The following MACROD2 variants were observed in gnomAD, a reference collection of about 807,000 sequenced individuals.
The protein encoded by MACROD2 is ADP-ribose glycohydrolase MACROD2.
A neutral mutation model predicts 70.4 loss-of-function variants in MACROD2; 36 were observed. The observed-to-expected ratio is 0.51, with a 90% CI of 0.39 to 0.68. MACROD2 has a LOEUF of 0.68. MACROD2 is among the 30% of genes least tolerant of loss of function. MACROD2 has a pLI of 0.00. For missense variants in MACROD2, 496 were observed against 538.4 expected, an observed-to-expected ratio of 0.92 and a Z score of 0.78; for synonymous variants, 172 against 178.8, an observed-to-expected ratio of 0.96 and a Z score of 0.30.
chr20:15,361,641 T>C (rs929064516), intron 6 of MACROD2, among the ~76,000 whole-genome samples: 1 of 152,240 alleles, frequency 6.6e-6, no homozygotes, highest in African/African-American at 2.4e-5. Flanking sequence ...CTATGTCATT[T>C]AGAAGGAAAT....
Position 15,725,888 on chromosome 20 carries a change from G to A in MACROD2, c.646-136857G>A, listed in dbSNP as rs544450714. ...TATTTTAAGTTGCAGGAACATCTGC[G>A]GGTTTGTTATATAGGTAAATTGTGT... is the stretch of plus-strand genomic sequence containing the variant. On this transcript the variant is annotated intron_variant, in intron 8 of 17. Coordinates refer to ENST00000684519, the MANE Select transcript of MACROD2 (RefSeq NM_001351661.2). 6.6e-5 allele frequency among the ~76,000 whole-genome samples: 10 copies of A among 151,502 alleles called. No homozygotes were observed. The East Asian group carries it at 7.8e-4, about 12-fold the overall frequency.
rs747969186 is a variant in MACROD2, at chr20:14,474,068, AAC to A, written c.272-19410_272-19409del. 3.2e-3 allele frequency among the ~76,000 whole-genome samples: 491 copies of A among 152,060 alleles called. 4 individuals are homozygous for A. The highest frequency in any genetic ancestry group is 0.017 in the Middle Eastern group (5 of 294). ...GAGTTCCTTATATTTTCTGGATATT[AAC>A]CCCTTGTTAGATGCATAGCTGGCAA... On this transcript the variant is annotated intron_variant, in intron 3 of 17. Coordinates refer to ENST00000684519, the MANE Select transcript of MACROD2 (RefSeq NM_001351661.2).
chr20:14,558,368 G>C (rs533878666), intron 4 of MACROD2, among the ~76,000 whole-genome samples: 5 of 151,370 alleles, frequency 3.3e-5, no homozygotes, highest in Non-Finnish European at 4.4e-5. Flanking sequence ...AAATGTAAAT[G>C]GTCTAAATAA....
intron 3 of MACROD2, among the ~76,000 whole-genome samples, chr20:14,149,565 C>T (rs546164694): frequency 6.6e-6 from 1 of 152,288 alleles, no homozygotes; most frequent in African/African-American, 2.4e-5. Context: ...CTCCAAACTG[C>T]TTTCCCCAGT....
intron 3 of MACROD2, among the ~76,000 whole-genome samples, chr20:14,382,060 A>ATTTTTT (rs11475740): frequency 8.2e-6 from 1 of 122,494 alleles, no homozygotes; most frequent in Admixed American, 8.4e-5. Context: ...AATGGGATTG[A>ATTTTTT]TTTTTTTTTT....
intron 3 of MACROD2, among the ~76,000 whole-genome samples, chr20:14,086,705 C>T (rs947371630): frequency 6.6e-5 from 10 of 152,130 alleles, no homozygotes; most frequent in Non-Finnish European, 1.0e-4. Context: ...CGTTTGTGGG[C>T]ATTGACCAAC....
chr20:14,523,089 C>A (rs1160908716), intron 4 of MACROD2, among the ~76,000 whole-genome samples: 1 of 152,150 alleles, frequency 6.6e-6, no homozygotes, highest in Non-Finnish European at 1.5e-5. Context: ...AGGTCCTCTT[C>A]CATTTTCCGA....
At chr20:15,347,071 T>C (rs1364802631) in intron 6 of MACROD2, among the ~76,000 whole-genome samples, 3 of 152,214 alleles carry the variant, frequency 2.0e-5, no homozygotes, top group South Asian at 2.1e-4. Context: ...ACCAGTTCTA[T>C]GCCAGGTGAC....
intron 4 of MACROD2, among the ~76,000 whole-genome samples, chr20:14,564,757 A>G (rs1190210111): frequency 6.6e-6 from 1 of 151,992 alleles, no homozygotes; most frequent in African/African-American, 2.4e-5. Flanking sequence ...AAATTGTGCA[A>G]CCTCTTTAGA....
At chr20:14,615,888 G>A (rs187606468) in intron 4 of MACROD2, among the ~76,000 whole-genome samples, 16 of 152,220 alleles carry the variant, frequency 1.1e-4, no homozygotes, top group African/African-American at 3.4e-4. Context: ...GTAGATGTAC[G>A]TGGGACAGGT....
intron 6 of MACROD2, among the ~76,000 whole-genome samples, chr20:15,305,674 C>T (rs202037414): frequency 3.7e-5 from 5 of 135,862 alleles, no homozygotes; most frequent in Admixed American, 1.4e-4. Flanking sequence ...TGTGTGTGTG[C>T]GCGCACACAT....
chr20:14,270,937 G>A (rs1261177990), intron 3 of MACROD2, among the ~76,000 whole-genome samples: 3 of 152,218 alleles, frequency 2.0e-5, no homozygotes, highest in Admixed American at 6.5e-5. Flanking sequence ...CGAGGCTGGG[G>A]GAGGAGCGCC....
chr20:15,885,878 AT>A, intron 10 of MACROD2, 67 bp downstream of exon 10: 1 of 1,400,792 alleles, frequency 7.1e-7, no homozygotes. Context: ...TGTACACTTC[AT>A]ATTTTTTCAA....
At chr20:15,735,050 T>C (rs1600821285) in intron 8 of MACROD2, among the ~76,000 whole-genome samples, 1 of 152,088 alleles carries the variant, frequency 6.6e-6, no homozygotes, top group Non-Finnish European at 1.5e-5. Flanking sequence ...AACCTCCACC[T>C]CCCAGGTTCA....
chr20:14,578,653 C>G (rs1206680853), intron 4 of MACROD2, among the ~76,000 whole-genome samples: 2 of 152,028 alleles, frequency 1.3e-5, no homozygotes, highest in Non-Finnish European at 2.9e-5. Context: ...GTTTTGTCAG[C>G]CAAAACTCTA....
chr20:15,442,177 G>A (rs899768774), intron 7 of MACROD2, among the ~76,000 whole-genome samples: 1 of 152,122 alleles, frequency 6.6e-6, no homozygotes, highest in South Asian at 2.1e-4. Flanking sequence ...AATTTGACAG[G>A]TCTTAGAGAA....
chr20:15,225,784 A>G (rs533909902), intron 5 of MACROD2, among the ~76,000 whole-genome samples: 3 of 152,290 alleles, frequency 2.0e-5, no homozygotes, highest in African/African-American at 4.8e-5. Flanking sequence ...ATGGTTGGAC[A>G]TTTAGCTGTT....
intron 7 of MACROD2, among the ~76,000 whole-genome samples, chr20:15,472,522 C>T (rs991603695): frequency 6.6e-6 from 1 of 152,032 alleles, no homozygotes; most frequent in South Asian, 2.1e-4. Context: ...CTTTCCCTTC[C>T]TGTTTTTTTT....
chr20:14,850,982 C>T (rs545955244), intron 5 of MACROD2, among the ~76,000 whole-genome samples: 2 of 151,984 alleles, frequency 1.3e-5, no homozygotes, highest in Admixed American at 1.3e-4. Flanking sequence ...ATTGACAGTA[C>T]AGTCCTGAAT....
Sources: gnomAD v4.1 joint callset for allele counts (sites outside exome capture counted in the v4.1 genomes callset) on GRCh38, gnomAD v4.1.1 for gene constraint, MANE v1.5 for transcripts, NCBI Gene and HGNC (gene_info 2026-07-23, HGNC 2026-07-21) for gene names.